CCL17: variants seen among roughly 807,000 people sequenced by gnomAD.
CCL17 encodes the protein C-C motif chemokine ligand 17.
CCL17 carries 8 observed loss-of-function variants against 7.4 expected under a neutral mutation model. The ratio of observed to expected loss-of-function variants is 1.09; its 90% CI spans 0.64 to 1.96. The LOEUF (loss-of-function observed/expected upper bound fraction) is 1.96, where lower values mean the gene tolerates loss of function less well. CCL17 is among the 30% of genes most tolerant of loss of function. CCL17 has a pLI of 0.00. For synonymous variants in CCL17, 40 were observed against 46.1 expected (o/e 0.87, Z 0.54); for missense variants, 102 against 113.0 (o/e 0.90, Z 0.44).
At chr16:57,403,349 ATATAATATATATAT>A (rs1477144333), upstream of CCL17, among the ~76,000 whole-genome samples, 1 of 24,496 alleles carries the variant, frequency 4.1e-5, no homozygotes, top group Non-Finnish European at 5.9e-5. Flanking sequence ...TCTATAATAT[ATATAATATATATAT>A]TATAATATAT....
chr16:57,408,835 A>T (rs1168386838), intron 1 of CCL17, among the ~76,000 whole-genome samples: 1 of 151,716 alleles, frequency 6.6e-6, no homozygotes, highest in African/African-American at 2.4e-5. Context: ...CAGCCTCCCA[A>T]AGTGCTGGGA....
Position 57,407,797 on chromosome 16 carries a change from C to A in CCL17, c.-60+2961C>A, listed in dbSNP as rs528645263. Among the ~76,000 whole-genome samples, 146 of 151,608 alleles carry A rather than the reference C, an allele frequency of 9.6e-4. 1 individual carries two copies. Among genetic ancestry groups the A allele is most frequent in the Non-Finnish European group, 1.6e-3 (111 of 67,878 alleles). ...CCATTCATTCATCCATTCATGTATC[C>A]ATCCATTCATCCATCCGTCTGTCCA... On this transcript the variant is annotated intron_variant, in intron 1 of 3. Coordinates refer to ENST00000219244, the MANE Select transcript of CCL17 (RefSeq NM_002987.3).
At chr16:57,399,081 G>T in the CCL17 span, among the ~76,000 whole-genome samples, 1 of 152,182 alleles carries the variant, frequency 6.6e-6, no homozygotes, top group East Asian at 1.9e-4. Context: ...GGGTGTAGGG[G>T]TTGGGTACAG....
At chr16:57,403,526 G>A (rs1194797343), upstream of CCL17, among the ~76,000 whole-genome samples, 1 of 22,172 alleles carries the variant, frequency 4.5e-5, no homozygotes, top group Non-Finnish European at 6.4e-5. Context: ...TTATATATAT[G>A]TTATATATAT....
chr16:57,406,492 G>T (rs1185499569), intron 1 of CCL17, among the ~76,000 whole-genome samples: 1 of 152,116 alleles, frequency 6.6e-6, no homozygotes, highest in Non-Finnish European at 1.5e-5. Context: ...TGAAGCTGTT[G>T]TGAGGACAAA....
chr16:57,409,370 A>G (rs926156682), intron 1 of CCL17, among the ~76,000 whole-genome samples: 3 of 152,246 alleles, frequency 2.0e-5, no homozygotes, highest in African/African-American at 7.2e-5. Flanking sequence ...TGTGGCTGGG[A>G]CAAAATGATA....
At chr16:57,410,129 C>T (rs779937979) in intron 1 of CCL17, among the ~76,000 whole-genome samples, 1 of 152,202 alleles carries the variant, frequency 6.6e-6, no homozygotes, top group Non-Finnish European at 1.5e-5. Context: ...CGCTTGGCTG[C>T]CCTGTGACTG....
chr16:57,402,014 A>G (rs1902600586), upstream of CCL17, among the ~76,000 whole-genome samples: 2 of 152,244 alleles, frequency 1.3e-5, no homozygotes, highest in Non-Finnish European at 2.9e-5. Context: ...AGCCCAGGCA[A>G]GGCAGAAAGG....
At chr16:57,396,877 G>A in the CCL17 span, among the ~76,000 whole-genome samples, 2 of 152,182 alleles carry the variant, frequency 1.3e-5, no homozygotes, top group African/African-American at 4.8e-5. Context: ...ATTCGTGGTT[G>A]CAGGGCCATG....
intron 2 of CCL17, 94 bp from the exon 3 acceptor site, chr16:57,414,986 CG>C: frequency 1.3e-6 from 1 of 780,662 alleles, no homozygotes; most frequent in East Asian, 2.5e-5. Context: ...CACATGGACA[CG>C]CACATGCAGA....
chr16:57,400,499 G>T (rs145657272), upstream of CCL17, among the ~76,000 whole-genome samples: 257 of 151,496 alleles, frequency 1.7e-3, no homozygotes, highest in African/African-American at 5.8e-3. Context: ...TTTTTGAGAG[G>T]CCCAATGGTC....
upstream of CCL17, among the ~76,000 whole-genome samples, chr16:57,400,352 C>T (rs535391180): frequency 6.6e-6 from 1 of 151,668 alleles, no homozygotes; most frequent in African/African-American, 2.4e-5. Flanking sequence ...GAGCGAGACT[C>T]CGTCTCAAAA....
chr16:57,403,468 ATT>A (rs1262493408), upstream of CCL17, among the ~76,000 whole-genome samples: 60 of 1,986 alleles, frequency 0.03, 2 homozygotes, highest in African/African-American at 0.04. Context: ...TATATATTAT[ATT>A]ATATATATTA....
At chr16:57,405,660 G>C (rs1902683486) in intron 1 of CCL17, among the ~76,000 whole-genome samples, 2 of 152,130 alleles carry the variant, frequency 1.3e-5, no homozygotes, top group African/African-American at 4.8e-5. Flanking sequence ...GGGTGCCACA[G>C]AAAGATGGGC....
chr16:57,404,270 GTGC>G (rs2146532605), upstream of CCL17, among the ~76,000 whole-genome samples: 1 of 152,308 alleles, frequency 6.6e-6, no homozygotes, highest in South Asian at 2.1e-4. Flanking sequence ...CTCTGCTGCT[GTGC>G]TGAGAATACA....
chr16:57,409,635 C>T (rs1210756315), intron 1 of CCL17, among the ~76,000 whole-genome samples: 1 of 152,164 alleles, frequency 6.6e-6, no homozygotes, highest in Non-Finnish European at 1.5e-5. Context: ...ATTCAGGACG[C>T]ATGCAGGTAG....
chr16:57,408,314 C>T (rs1395723198), intron 1 of CCL17, among the ~76,000 whole-genome samples: 1 of 152,010 alleles, frequency 6.6e-6, no homozygotes, highest in Admixed American at 6.6e-5. Context: ...ATCATCCATC[C>T]TCCATCCATC....
upstream of CCL17, among the ~76,000 whole-genome samples, chr16:57,403,498 TATAATA>T (rs1902638791): frequency 1.2e-4 from 3 of 24,782 alleles, 1 homozygote; most frequent in African/African-American, 7.9e-4. Flanking sequence ...ATATATATAT[TATAATA>T]TATATATTAT....
At chr16:57,399,981 A>G (rs191577185), upstream of CCL17, among the ~76,000 whole-genome samples, 5 of 152,320 alleles carry the variant, frequency 3.3e-5, no homozygotes, top group Non-Finnish European at 7.4e-5. Context: ...AACCAAGCAG[A>G]TGGGAGCTCA....
Sources: gnomAD v4.1 joint callset for allele counts (sites outside exome capture counted in the v4.1 genomes callset) on GRCh38, gnomAD v4.1.1 for gene constraint, MANE v1.5 for transcripts, NCBI Gene and HGNC (gene_info 2026-07-23, HGNC 2026-07-21) for gene names.